The following NDRG4 variants were observed in gnomAD, a reference collection of about 807,000 sequenced individuals.
NDRG4 encodes protein NDRG4.
In NDRG4, 38 loss-of-function variants were observed where a neutral mutation model predicts 55.8. That is an observed-to-expected ratio of 0.68 (90% CI 0.53 to 0.89). The LOEUF (loss-of-function observed/expected upper bound fraction) is 0.89, where lower values mean the gene tolerates loss of function less well. NDRG4 is among the 40% of genes least tolerant of loss of function. The probability of loss-of-function intolerance (pLI) is 0.00; values close to 1 mark genes in which losing one functional copy is unlikely to be tolerated. For synonymous variants in NDRG4, 190 were observed against 182.7 expected, an observed-to-expected ratio of 1.04 and a Z score of -0.32; for missense variants, 455 against 468.6, an observed-to-expected ratio of 0.97 and a Z score of 0.27.
intron 2 of NDRG4, among the ~76,000 whole-genome samples, chr16:58,494,004 C>G (rs1012036866): frequency 6.6e-6 from 1 of 152,168 alleles, no homozygotes; most frequent in Non-Finnish European, 1.5e-5. Flanking sequence ...TTCCAGCCCC[C>G]GCTCCTCCCC....
At chr16:58,483,907 A>T (rs1481530211) in intron 1 of NDRG4, among the ~76,000 whole-genome samples, 1 of 152,192 alleles carries the variant, frequency 6.6e-6, no homozygotes, top group Non-Finnish European at 1.5e-5. Flanking sequence ...TCTACAAAAA[A>T]TGAAAAGAAA....
chr16:58,479,401 G>A (rs577381601), intron 1 of NDRG4, among the ~76,000 whole-genome samples: 4 of 152,206 alleles, frequency 2.6e-5, no homozygotes, highest in South Asian at 2.1e-4. Flanking sequence ...TCCTCCACTC[G>A]GCTGTGCAGT....
intron 1 of NDRG4, among the ~76,000 whole-genome samples, chr16:58,479,438 T>C (rs980806802): frequency 6.6e-6 from 1 of 152,208 alleles, no homozygotes; most frequent in Non-Finnish European, 1.5e-5. Context: ...TGCCTCTTAG[T>C]GCACACATGG....
In NDRG4 at chr16:58,509,364, T is replaced by TCCACC. The variant is rs751725640; in HGVS notation, c.865+22_865+26dup. The TCCACC allele has an allele frequency of 1.1e-5, 17 of 1,612,840 alleles. No individual in the cohort carries two copies. The Middle Eastern group carries it at 1.2e-3, about 110-fold the overall frequency. On this transcript the variant is annotated intron_variant, in intron 13 of 14. Transcript: ENST00000570248. ...AGGCATGGGCTACAGTGAGTACATT[T>TCCACC]CCACCCCACCCCACACCACCTAGAG...
chr16:58,472,783 TCA>T (rs1161677713), intron 1 of NDRG4, among the ~76,000 whole-genome samples: 1 of 152,108 alleles, frequency 6.6e-6, no homozygotes, highest in Middle Eastern at 3.2e-3. Flanking sequence ...GGTTGCTGGC[TCA>T]CAGACCGTCC....
chr16:58,509,461 G>C, intron 13 of NDRG4, 109 bp downstream of exon 13: 1 of 1,183,782 alleles, frequency 8.4e-7, no homozygotes, highest in South Asian at 1.3e-5. Flanking sequence ...GGTGGTAGTA[G>C]GGAGCCCATA....
Position 58,508,002 on chromosome 16 carries a change from A to G in NDRG4, c.729+3A>G, listed in dbSNP as rs938256859. ...ATGCACCCGCTGAGGACGGGGTGGT[A>G]AGTGAGGGGCTGTGGGCTCACTGGG... On this transcript the variant is annotated splice_donor_region_variant and intron_variant, in intron 10 of 14. Coordinates refer to ENST00000570248, the MANE Select transcript of NDRG4 (RefSeq NM_001242835.2). 9 of 1,562,804 alleles carry G rather than the reference A, an allele frequency of 5.8e-6. No homozygotes were observed. The East Asian group carries it at 6.8e-5, about 12-fold the overall frequency.
rs200933696 is a variant in NDRG4 at position 58,511,590 on chromosome 16, G to A, written c.*14G>A. 2.9e-5 allele frequency: 46 copies of A among 1,612,976 alleles called. No individual in the cohort carries two copies. The East Asian group carries it at 5.8e-4, about 20-fold the overall frequency. On this transcript the variant is annotated 3_prime_UTR_variant, in exon 15 of 15. Coordinates refer to ENST00000570248, the MANE Select transcript of NDRG4 (RefSeq NM_001242835.2). ...GTGTCCTGTTGAAGCCCTTGATCCC[G>A]CTGACGACGCCCACGTCGAGGCCCC...
At chr16:58,514,602 C>T (rs1438280156), downstream of NDRG4, among the ~76,000 whole-genome samples, 1 of 151,976 alleles carries the variant, frequency 6.6e-6, no homozygotes, top group Non-Finnish European at 1.5e-5. Flanking sequence ...ATTAGCTGGG[C>T]ATGGCAGCGT....
chr16:58,504,686 G>C (rs2037619370), intron 5 of NDRG4, 37 bp downstream of exon 5: 1 of 1,612,344 alleles, frequency 6.2e-7, no homozygotes, highest in Non-Finnish European at 8.5e-7. Flanking sequence ...CCAAACACCA[G>C]GGCAAGCCAG....
At chr16:58,492,181 C>A (rs892699298) in intron 2 of NDRG4, among the ~76,000 whole-genome samples, 1 of 152,178 alleles carries the variant, frequency 6.6e-6, no homozygotes, top group African/African-American at 2.4e-5. Flanking sequence ...AGCCTGCCCG[C>A]CCACTGCTGG....
intron 1 of NDRG4, among the ~76,000 whole-genome samples, chr16:58,478,262 A>G (rs1292416180): frequency 6.6e-6 from 1 of 152,008 alleles, no homozygotes; most frequent in Non-Finnish European, 1.5e-5. Context: ...GGTGGCGGGC[A>G]CCTGTAATCC....
At position 58,464,989 on chromosome 16, in the gene NDRG4, G is replaced by C. The variant is rs1395547063; in HGVS notation, c.-24+1192G>C. 1 of 1,224,136 alleles carries C rather than the reference G, an allele frequency of 8.2e-7. No individual in the cohort carries two copies. Among genetic ancestry groups the C allele is most frequent in the African/African-American group, 1.6e-5 (1 of 64,106 alleles). The allele number at this position is 1,224,136 out of a possible 1,614,324, so 75.8% of individuals were successfully genotyped here. On this transcript the variant is annotated intron_variant, in intron 1 of 15. Transcript: ENST00000258187. The surrounding 1 kb of genome is among the most constrained non-coding windows in gnomAD (Gnocchi z 4.8). The stretch of plus-strand genomic sequence containing the variant: ...GACCCTCAGCCTTGGGGCTCCTCTG[G>C]AGAAGTGATCAGTTGCCCTGCTGGA...
intron 2 of NDRG4, among the ~76,000 whole-genome samples, chr16:58,489,807 CCTGT>C (rs778070756): frequency 3.9e-5 from 6 of 152,088 alleles, no homozygotes; most frequent in African/African-American, 7.2e-5. Context: ...CCCACTCCTG[CCTGT>C]GTCTTTCTTT....
chr16:58,496,964 C>G (rs185150185), upstream of NDRG4: 1 of 152,176 alleles, frequency 6.6e-6, no homozygotes, highest in African/African-American at 2.4e-5. Flanking sequence ...AAGATGAGCA[C>G]GACCCCTGTA....
downstream of NDRG4, among the ~76,000 whole-genome samples, chr16:58,513,962 T>TAAAACAAA (rs2039039512): frequency 6.6e-6 from 1 of 151,650 alleles, no homozygotes; most frequent in South Asian, 2.1e-4. Flanking sequence ...TGCCTCAAAA[T>TAAAACAAA]AAAACAAAAA....
At chr16:58,508,024 T>TG in intron 10 of NDRG4, 25 bp downstream of exon 10, 4 of 1,252,352 alleles carry the variant, frequency 3.2e-6, no homozygotes, top group South Asian at 1.4e-5. Context: ...GTGGGCTCAC[T>TG]GGGGGTGGGA....
At chr16:58,504,839 A>C in intron 5 of NDRG4, 190 bp downstream of exon 5, 4 of 615,054 alleles carry the variant, frequency 6.5e-6, no homozygotes, top group South Asian at 2.1e-5. Context: ...TTTTTTAAAA[A>C]AGAGGTTCCT....
chr16:58,466,561 C>G (rs751492904), intron 1 of NDRG4, among the ~76,000 whole-genome samples: 2 of 152,210 alleles, frequency 1.3e-5, no homozygotes, highest in Non-Finnish European at 2.9e-5. Flanking sequence ...TTCTAAGTCC[C>G]TGGCCAGGGT....
Sources: gnomAD v4.1 joint callset for allele counts (sites outside exome capture counted in the v4.1 genomes callset) on GRCh38, gnomAD v4.1.1 for gene constraint, Gnocchi (gnomAD v3.1) non-coding constraint, MANE v1.5 for transcripts, NCBI Gene and HGNC (gene_info 2026-07-23, HGNC 2026-07-21) for gene names.